The following PIEZO1 variants were observed in gnomAD, a reference collection of about 807,000 sequenced individuals.
PIEZO1 encodes piezo type mechanosensitive ion channel component 1 (Er blood group), also known as piezo-type mechanosensitive ion channel component 1.
Under a neutral mutation model 297.2 loss-of-function variants are expected in PIEZO1, and 296 were observed. That is an observed-to-expected ratio of 1.00 (90% CI 0.91 to 1.10). The LOEUF (loss-of-function observed/expected upper bound fraction) is 1.10. Ranked by LOEUF, PIEZO1 falls within the 50% of genes least tolerant of loss-of-function variation. The probability of loss-of-function intolerance (pLI) is 0.00; values close to 1 mark genes in which losing one functional copy is unlikely to be tolerated. For missense variants in PIEZO1, 5,018 were observed against 3,455.5 expected (o/e 1.45, Z -11.34); for synonymous variants, 2,427 against 1,507.5 (o/e 1.61, Z -14.13).
At chr16:88,719,260 T>C (rs1301434998) in intron 44 of PIEZO1, 1 of 330,032 alleles carries the variant, frequency 3.0e-6, no homozygotes, top group Non-Finnish European at 5.7e-6. Flanking sequence ...GAATTCTCTC[T>C]GAGAAAGGCC....
chr16:88,743,277 T>C (rs1286934566), intron 2 of PIEZO1: 1 of 456,442 alleles, frequency 2.2e-6, no homozygotes, highest in Admixed American at 2.3e-5. Context: ...CAGCTCACCC[T>C]TCAGCAGGGG....
rs560586886 is a variant in PIEZO1 at position 88,720,352 on chromosome 16, G to A, written c.5949+33C>T. ...GATGTGGGTGGCTGCTGAGCTCTGC[G>A]TACACTGGGTTTGGGTCCCGGGCCT... On this transcript the variant is annotated intron_variant, in intron 41 of 50. Coordinates refer to ENST00000301015, the MANE Select transcript of PIEZO1 (RefSeq NM_001142864.4). 50 of 1,550,146 alleles carry A rather than the reference G, an allele frequency of 3.2e-5. No homozygotes were observed. In the Admixed American group the frequency reaches 5.1e-4, roughly 16 times the overall value.
intron 1 of PIEZO1, among the ~76,000 whole-genome samples, chr16:88,779,036 C>CT (rs34383297): frequency 0.57 from 76,533 of 135,118 alleles, 22,124 homozygotes; most frequent in Middle Eastern, 0.7. Flanking sequence ...TACGACTTCA[C>CT]TTTTTTTTTT....
At chr16:88,742,465 A>C in intron 2 of PIEZO1, 43 bp from the exon 3 acceptor site, 1 of 1,526,556 alleles carries the variant, frequency 6.6e-7, no homozygotes, top group Non-Finnish European at 8.7e-7. Context: ...GGGGACGGGG[A>C]GGGGCCGCAG....
In PIEZO1 at chr16:88,739,120, G is replaced by A. The variant is rs532161008; in HGVS notation, c.466-384C>T. 1.5e-3 allele frequency: 304 copies of A among 208,580 alleles called. 3 individuals carry two copies. Among genetic ancestry groups the A allele is most frequent in the Non-Finnish European group, 7.2e-4 (74 of 102,924 alleles). 12.9% of individuals were successfully genotyped at this position (208,580 alleles called of 1,614,324 possible). A position where few individuals can be genotyped will look rare whatever the true frequency, so the allele number is the denominator to read the frequency against. ...AGCGGGGCCCTGTCTATACCCCGGG[G>A]GGTCTCTAGAGACCAAGGGGGCCTG... On this transcript the variant is annotated intron_variant, in intron 5 of 50. Transcript: ENST00000301015.
rs1189628018 is a variant in PIEZO1 at position 88,723,079 on chromosome 16, C to G, written c.4495+16G>C. The stretch of plus-strand genomic sequence containing the variant: ...CCAAGAGAGACCTCCCACTCCCCAG[C>G]CCCGGGCCCACGTACCTGCCGCTGC... On this transcript the variant is annotated intron_variant, in intron 33 of 50. Coordinates refer to ENST00000301015, the MANE Select transcript of PIEZO1 (RefSeq NM_001142864.4). 7.8e-6 allele frequency: 12 copies of G among 1,546,334 alleles called. No individual in the cohort carries two copies. The South Asian group carries it at 1.3e-4, about 17-fold the overall frequency.
chr16:88,717,139 A>T lies in PIEZO1; in HGVS notation c.6544T>A (p.Phe2182Ile), dbSNP rs889597047. ...GGGAACCAGATGATGGCGATGAGGA[A>T]GAGGATGATGAGGCCACCCATGCCG... ...KYGMGGLIIL[F>I]LIAIIWFPLL... The change falls in exon 45 of 51, where the codon TTC becomes ATC. Residue 2182 changes from phenylalanine (F) to isoleucine (I), a missense_variant. Physicochemically the swap from Phe to Ile is conservative, Grantham distance 21. Transcript: ENST00000301015. 4 of 1,551,272 alleles carry T rather than the reference A, an allele frequency of 2.6e-6. No homozygotes were observed. The Admixed American group carries it at 7.8e-5, about 30-fold the overall frequency.
In PIEZO1 at chr16:88,737,920, T is replaced by G. The variant is rs956707579; in HGVS notation, c.1020+14A>C. ...CTGGCCTCAGCCCACCCACCATGGG[T>G]GGCAGGTGCTCACCTGGCCGGAGGG... On this transcript the variant is annotated intron_variant, in intron 8 of 50. Coordinates refer to ENST00000301015, the MANE Select transcript of PIEZO1 (RefSeq NM_001142864.4). 4 of 1,529,836 alleles carry G rather than the reference T, an allele frequency of 2.6e-6. No individual in the cohort carries two copies. In the African/African-American group the frequency reaches 5.5e-5, roughly 21 times the overall value. The allele number at this position is 1,529,836 out of a possible 1,614,324, so 94.8% of individuals were successfully genotyped here.
Position 88,726,955 on chromosome 16 carries a change from G to C in PIEZO1, c.3459C>G (p.Ser1153=). Residue 1153 remains serine, a synonymous_variant, in exon 25 of 51, where the codon TCC becomes TCG. Coordinates refer to ENST00000301015, the MANE Select transcript of PIEZO1 (RefSeq NM_001142864.4). The stretch of plus-strand genomic sequence containing the variant: ...CGGCCACCTTCAGCATGTCAAGGTA[G>C]GACCTGCCAGGCCGGAGCGTCAGGG... ...NPVPNFIHCR[S]YLDMLKVAVF... is the part of the protein sequence containing the mutation. The C allele has an allele frequency of 1.3e-6, 2 of 1,550,372 alleles. No homozygotes were observed. Among genetic ancestry groups the C allele is most frequent in the Non-Finnish European group, 1.7e-6 (2 of 1,146,882 alleles).
At chr16:88,782,072 G>C (rs1907962121) in intron 1 of PIEZO1, among the ~76,000 whole-genome samples, 1 of 152,230 alleles carries the variant, frequency 6.6e-6, no homozygotes, top group Admixed American at 6.5e-5. Context: ...TAGAACTGGA[G>C]GTGCGGTCCC....
At position 88,749,423 on chromosome 16, in the gene PIEZO1, G is replaced by C; in HGVS notation, c.121C>G (p.Leu41Val). The stretch of plus-strand genomic sequence containing the variant: ...CGGGTGGGGCCGGGGAACCAGGGCA[G>C]CAGCAGCAGGAAGAGCAGGTAGACC... ...SLVYLLFLLL[L>V]PWFPGPTRCG... Residue 41 changes from leucine (L) to valine (V), a missense_variant, in exon 2 of 51, where the codon CTG becomes GTG. Transcript: ENST00000301015. 1 of 1,523,148 alleles carries C rather than the reference G, an allele frequency of 6.6e-7. No homozygotes were observed. The highest frequency in any genetic ancestry group is 1.2e-5 in the South Asian group (1 of 81,426). 94.4% of individuals were successfully genotyped at this position (1,523,148 alleles called of 1,614,324 possible). A position where few individuals can be genotyped will look rare whatever the true frequency, so the allele number is the denominator to read the frequency against.
chr16:88,725,737 A>G (rs1904377180), intron 27 of PIEZO1, 53 bp from the exon 28 acceptor site: 2 of 945,666 alleles, frequency 2.1e-6, no homozygotes, highest in Non-Finnish European at 3.3e-6. Context: ...CCCCAGCAAC[A>G]TGGGCAGCCG....
rs1277169328 is a variant in PIEZO1 at position 88,733,573 on chromosome 16, G to A, written c.2487+15C>T. On this transcript the variant is annotated intron_variant, in intron 18 of 50. Transcript: ENST00000301015. ...CCCACCCCAGATGGGAAGCTGAGTTGCCTGCCACACTCACCTCCTTCAGGG... is the reference window on the plus strand; with the variant it reads ...CCCACCCCAGATGGGAAGCTGAGTTACCTGCCACACTCACCTCCTTCAGGG... 11 of 1,532,624 alleles carry A rather than the reference G, an allele frequency of 7.2e-6. No homozygotes were observed. The highest frequency in any genetic ancestry group is 2.0e-5 in the Admixed American group (1 of 50,108). 94.9% of individuals were successfully genotyped at this position (1,532,624 alleles called of 1,614,324 possible).
intron 44 of PIEZO1, chr16:88,717,609 C>T (rs1912144068): frequency 2.2e-6 from 1 of 464,244 alleles, no homozygotes; most frequent in Non-Finnish European, 4.3e-6. Context: ...GGCAAATCTT[C>T]ATGAACCTGG....
chr16:88,775,726 CAAAAAAAA>C (rs3052234), intron 1 of PIEZO1, among the ~76,000 whole-genome samples: 27 of 98,722 alleles, frequency 2.7e-4, no homozygotes, highest in African/African-American at 1.1e-3. Context: ...AAGACGCTGT[CAAAAAAAA>C]AAAAAAAAAA....
At chr16:88,733,091 G>A (rs1040553484) in intron 19 of PIEZO1, 187 bp downstream of exon 19, 7 of 615,500 alleles carry the variant, frequency 1.1e-5, no homozygotes, top group Non-Finnish European at 2.0e-5. Flanking sequence ...TGCAGGGAGT[G>A]CGCCCCTGGT....
chr16:88,722,700 C>T lies in PIEZO1; in HGVS notation c.4669-11G>A. ...GTGCACTTCGCCGCCCTGCAGGGCA[C>T]AGCAGGGGGCTCAGGGCTGCGTCCA... is the stretch of plus-strand genomic sequence containing the variant. On this transcript the variant is annotated splice_polypyrimidine_tract_variant and intron_variant, in intron 34 of 50. Coordinates refer to ENST00000301015, the MANE Select transcript of PIEZO1 (RefSeq NM_001142864.4). 3.3e-6 allele frequency: 5 copies of T among 1,535,470 alleles called. No homozygotes were observed. Among genetic ancestry groups the T allele is most frequent in the Non-Finnish European group, 3.5e-6 (4 of 1,145,112 alleles).
rs1912438432 is a variant in PIEZO1, at chr16:88,721,367, CCTCGCCGCTCTTGTCATGCTCCTT to C, written c.5443_5466del (p.Lys1815_Glu1822del). ...GGCCCCTCCTCGGCTCCCTGCTCCT[CCTCGCCGCTCTTGTCATGCTCCTT>C]GGATGGTGAGTCCTCCTCATGGTCC... On this transcript the variant is annotated inframe_deletion, in exon 39 of 51. Transcript: ENST00000301015. 1 of 1,549,588 alleles carries C rather than the reference CCTCGCCGCTCTTGTCATGCTCCTT, an allele frequency of 6.5e-7. No individual in the cohort carries two copies. The highest frequency in any genetic ancestry group is 2.0e-5 in the Admixed American group (1 of 50,998).
At chr16:88,759,180 A>T (rs1342007919) in intron 1 of PIEZO1, among the ~76,000 whole-genome samples, 1 of 152,248 alleles carries the variant, frequency 6.6e-6, no homozygotes, top group African/African-American at 2.4e-5. Context: ...CATCAAAGGA[A>T]ACAGAAGCTG....
Sources: allele counts gnomAD v4.1 joint callset (sites outside exome capture counted in the v4.1 genomes callset), GRCh38; gene constraint gnomAD v4.1.1; transcripts MANE v1.5; gene names NCBI Gene and HGNC (gene_info 2026-07-23, HGNC 2026-07-21).